Variants in MDN1 observed in about 807,000 individuals in gnomAD.
The protein encoded by MDN1 is midasin.
A neutral mutation model predicts 669.2 loss-of-function variants in MDN1; 266 were observed. That is an observed-to-expected ratio of 0.40 (90% CI 0.36 to 0.44). The LOEUF is 0.44. Ranked by LOEUF, MDN1 falls within the 20% of genes least tolerant of loss-of-function variation. The pLI, the probability that MDN1 is intolerant of heterozygous loss-of-function variation, is 1.00. For missense variants in MDN1, 5,940 were observed against 6,754.0 expected (o/e 0.88, Z 4.22); for synonymous variants, 2,385 against 2,457.1 (o/e 0.97, Z 0.87).
chr6:89,647,878 G>A (rs531938969), intron 99 of MDN1, among the ~76,000 whole-genome samples, 154 bp downstream of exon 99: 7 of 152,202 alleles, frequency 4.6e-5, no homozygotes, highest in African/African-American at 1.2e-4. Flanking sequence ...GCTTGAGCCC[G>A]GGAGTTCGAA....
chr6:89,688,782 C>T lies in MDN1; in HGVS notation c.11050G>A (p.Gly3684Ser). The stretch of plus-strand genomic sequence containing the variant: ...AGGGTACAGGCCAAAAGTTGGCTGC[C>T]CAAGAGTCGGTCATTCAGTTCAACT... ...MGVELNDRLL[G>S]SQLLACTLSH... Residue 3684 changes from glycine (G) to serine (S), a missense_variant, in exon 66 of 102, where the codon GGC becomes AGC. Transcript: ENST00000369393. The T allele has an allele frequency of 2.5e-6, 4 of 1,614,104 alleles. No homozygotes were observed. Among genetic ancestry groups the T allele is most frequent in the Non-Finnish European group, 3.4e-6 (4 of 1,180,020 alleles).
intron 15 of MDN1, among the ~76,000 whole-genome samples, chr6:89,770,380 GAC>G (rs1818022292): frequency 7.0e-6 from 1 of 142,882 alleles, no homozygotes; most frequent in African/African-American, 2.6e-5. Flanking sequence ...CTCCAGCCGT[GAC>G]AGAGCAAGAC....
At chr6:89,809,784 TAAATAAAATAAAATAAAATAAAATA>T (rs58439361) in intron 1 of MDN1, among the ~76,000 whole-genome samples, 7 of 112,578 alleles carry the variant, frequency 6.2e-5, no homozygotes, top group African/African-American at 1.1e-4. Flanking sequence ...TCAAAATAAA[TAAATAAAATAAAATAAAATAAAATA>T]AAATAAAATA....
In MDN1 at chr6:89,658,331, C is replaced by T. The variant is rs1436135975; in HGVS notation, c.15061G>A (p.Val5021Met). ...EREDSDTEEQVPEALERKEHA... is the reference protein window; with the variant it reads ...EREDSDTEEQMPEALERKEHA... ...TCCTTCCTCTCCAAAGCCTCTGGCA[C>T]CTGCTCCTCTGTATCAGAGTCCTCC... Residue 5021 changes from valine to methionine, a missense_variant, in exon 90 of 102, where the codon GTG (valine) becomes ATG (methionine). This residue lies in a region of MDN1 where 2,280 missense variants were observed against 2,576.3 expected (regional missense o/e 0.88). Transcript: ENST00000369393. The T allele has an allele frequency of 5.6e-6, 9 of 1,614,234 alleles. No homozygotes were observed. Among genetic ancestry groups the T allele is most frequent in the Non-Finnish European group, 7.6e-6 (9 of 1,180,044 alleles).
chr6:89,815,895 T>C (rs1768792619), intron 1 of MDN1, among the ~76,000 whole-genome samples: 2 of 152,172 alleles, frequency 1.3e-5, no homozygotes, highest in African/African-American at 2.4e-5. Flanking sequence ...GCATAGGAGA[T>C]AGTTCCAGGC....
chr6:89,743,830 G>C, intron 29 of MDN1, 116 bp from the exon 30 acceptor site: 1 of 1,155,624 alleles, frequency 8.7e-7, no homozygotes, highest in South Asian at 1.5e-5. Context: ...GCAGTAAACA[G>C]TGCTGGCCAA....
chr6:89,783,466 G>A (rs564127507), intron 9 of MDN1, among the ~76,000 whole-genome samples: 33 of 152,246 alleles, frequency 2.2e-4, no homozygotes, highest in African/African-American at 5.3e-4. Flanking sequence ...TACGTGCACC[G>A]CTGAACATAG....
At chr6:89,794,491 T>C in intron 3 of MDN1, 86 bp downstream of exon 3, 1 of 1,305,688 alleles carries the variant, frequency 7.7e-7, no homozygotes, top group South Asian at 1.3e-5. Flanking sequence ...TTAAATGGTT[T>C]CCTTTCCCTC....
At chr6:89,706,290 T>A in intron 52 of MDN1, 98 bp from the exon 53 acceptor site, 1 of 1,296,598 alleles carries the variant, frequency 7.7e-7, no homozygotes, top group Non-Finnish European at 1.0e-6. Flanking sequence ...TTAAATGTTA[T>A]CCCCAGTACA....
At position 89,819,398 on chromosome 6, in the gene MDN1, T is replaced by C. The variant is rs551175156; in HGVS notation, c.102+108A>G. 6 of 1,055,556 alleles carry C rather than the reference T, an allele frequency of 5.7e-6. No individual in the cohort carries two copies. In the African/African-American group the frequency reaches 9.3e-5, roughly 16 times the overall value. 65.4% of individuals were successfully genotyped at this position (1,055,556 alleles called of 1,614,324 possible). ...GGAGGGGGCCAGCTTGACCTGAGGCTGCACCACTCCCCACTTAAAGCGGCG... is the reference window on the plus strand; with the variant it reads ...GGAGGGGGCCAGCTTGACCTGAGGCCGCACCACTCCCCACTTAAAGCGGCG... On this transcript the variant is annotated intron_variant, in intron 1 of 101. Coordinates refer to ENST00000369393, the MANE Select transcript of MDN1 (RefSeq NM_014611.3).
intron 15 of MDN1, among the ~76,000 whole-genome samples, chr6:89,765,646 T>C (rs1282558992): frequency 6.6e-6 from 1 of 152,158 alleles, no homozygotes; most frequent in East Asian, 1.9e-4. Context: ...ACAGTATAAA[T>C]GGGATCCAAA....
At position 89,755,379 on chromosome 6, in the gene MDN1, C is replaced by CA. The variant is rs143855867; in HGVS notation, c.2816+897dup. ...CACAACAAAGCAAAGCTCCTGTATC[C>CA]AAAAAAAAAAAAAAAAAAAATAGAA... On this transcript the variant is annotated intron_variant, in intron 20 of 101. Transcript: ENST00000369393. Among the ~76,000 whole-genome samples, 980 of 121,178 alleles carry CA rather than the reference C, an allele frequency of 8.1e-3. 8 individuals are homozygous for CA. Among genetic ancestry groups the CA allele is most frequent in the Middle Eastern group, 0.017 (4 of 234 alleles). 79.5% of individuals were successfully genotyped at this position (121,178 alleles called of 152,430 possible).
intron 58 of MDN1, among the ~76,000 whole-genome samples, chr6:89,699,332 G>C (rs751669129): frequency 6.6e-6 from 1 of 152,106 alleles, no homozygotes; most frequent in Non-Finnish European, 1.5e-5. Context: ...ATATATTTTT[G>C]AGCAATTGGG....
intron 33 of MDN1, among the ~76,000 whole-genome samples, chr6:89,737,236 G>C (rs961334244): frequency 7.2e-5 from 11 of 152,152 alleles, no homozygotes; most frequent in Non-Finnish European, 1.2e-4. Flanking sequence ...GATGACTAAA[G>C]AATCAGTCGT....
At chr6:89,650,290 C>G in intron 96 of MDN1, 92 bp from the exon 97 acceptor site, 1 of 1,187,470 alleles carries the variant, frequency 8.4e-7, no homozygotes. Flanking sequence ...TACCTTAAAA[C>G]CAATAGCAAG....
At chr6:89,679,297 G>A (rs1811443863) in intron 74 of MDN1, among the ~76,000 whole-genome samples, 2 of 152,174 alleles carry the variant, frequency 1.3e-5, no homozygotes, top group African/African-American at 4.8e-5. Context: ...AGATGAGCCA[G>A]GACTTGAACA....
intron 15 of MDN1, among the ~76,000 whole-genome samples, chr6:89,768,211 A>G (rs184995496): frequency 1.3e-5 from 2 of 152,186 alleles, no homozygotes; most frequent in Non-Finnish European, 2.9e-5. Context: ...TCCCCAACCA[A>G]ATCTCATCTT....
intron 33 of MDN1, among the ~76,000 whole-genome samples, chr6:89,735,818 G>A (rs577798166): frequency 2.0e-5 from 3 of 152,168 alleles, no homozygotes; most frequent in South Asian, 4.2e-4. Context: ...TCAAGAGATC[G>A]AGACCATCCT....
intron 3 of MDN1, 127 bp downstream of exon 3, chr6:89,794,450 C>T: frequency 3.2e-6 from 3 of 938,478 alleles, no homozygotes. Flanking sequence ...AAGTAAAACC[C>T]CAAAAGCCAC....
Sources: gnomAD v4.1 joint callset for allele counts (sites outside exome capture counted in the v4.1 genomes callset) on GRCh38, gnomAD v4.1.1 for gene constraint, gnomAD v4.1.1 regional missense constraint, MANE v1.5 for transcripts, NCBI Gene and HGNC (gene_info 2026-07-23, HGNC 2026-07-21) for gene names.